Variants in PTPN12 observed in about 807,000 individuals in gnomAD.
PTPN12 encodes the protein protein tyrosine phosphatase non-receptor type 12.
In PTPN12, 29 loss-of-function variants were observed where a neutral mutation model predicts 97.6. The observed-to-expected ratio is 0.30, with a 90% CI of 0.22 to 0.41. The LOEUF (loss-of-function observed/expected upper bound fraction) is 0.41. PTPN12 is among the 10% of genes least tolerant of loss of function. The probability of loss-of-function intolerance (pLI) is 1.00; values close to 1 mark genes in which losing one functional copy is unlikely to be tolerated. For synonymous variants in PTPN12, 327 were observed against 300.4 expected, an observed-to-expected ratio of 1.09 and a Z score of -0.91; for missense variants, 819 against 926.0, an observed-to-expected ratio of 0.88 and a Z score of 1.50.
At chr7:77,540,882 T>G (rs1806937629) in intron 1 of PTPN12, among the ~76,000 whole-genome samples, 2 of 152,214 alleles carry the variant, frequency 1.3e-5, no homozygotes, top group Admixed American at 1.3e-4. Context: ...ATAATGTAGC[T>G]GATATAACTG....
chr7:77,592,207 C>G lies in PTPN12; in HGVS notation c.443C>G (p.Pro148Arg). 6.2e-7 allele frequency: 1 copy of G among 1,604,580 alleles called. No homozygotes were observed. ...MGRKKCERYW[P>R]LYGEDPITFA... The stretch of plus-strand genomic sequence containing the variant: ...CAGAAAAAATGTGAGCGCTATTGGC[C>G]TTTGTATGGAGAAGACCCCATAACG... The change falls in exon 6 of 18, where the codon CCT (proline) becomes CGT (arginine). Residue 148 changes from proline to arginine, a missense_variant. Physicochemically the swap from Pro to Arg is moderately radical, Grantham distance 103. Transcript: ENST00000248594.
intron 2 of PTPN12, among the ~76,000 whole-genome samples, chr7:77,579,051 T>G (rs1407562588): frequency 1.3e-5 from 2 of 152,274 alleles, no homozygotes; most frequent in Non-Finnish European, 1.5e-5. Flanking sequence ...CATAACTTCG[T>G]TCCAGTCATT....
chr7:77,625,510 TCTCTCTCTCTCTCACTCTCA>T (rs1312942064), intron 12 of PTPN12, among the ~76,000 whole-genome samples: 1 of 100,320 alleles, frequency 1.0e-5, no homozygotes, highest in Non-Finnish European at 2.0e-5. Flanking sequence ...TCTCTCTCTC[TCTCTCTCTCTCTCACTCTCA>T]CTCTCACTCG....
At chr7:77,612,663 C>T (rs1271869577) in intron 11 of PTPN12, among the ~76,000 whole-genome samples, 4 of 152,142 alleles carry the variant, frequency 2.6e-5, no homozygotes, top group Admixed American at 2.0e-4. Context: ...GTCTCGAACT[C>T]CCAACCTCAG....
intron 1 of PTPN12, among the ~76,000 whole-genome samples, chr7:77,538,444 G>C (rs1180513906): frequency 6.6e-6 from 1 of 151,880 alleles, no homozygotes; most frequent in Admixed American, 6.6e-5. Flanking sequence ...TATCCGGGGT[G>C]GGGGTGGGGA....
chr7:77,599,586 A>T (rs1363561009), intron 7 of PTPN12, among the ~76,000 whole-genome samples: 3 of 152,114 alleles, frequency 2.0e-5, no homozygotes, highest in Non-Finnish European at 4.4e-5. Flanking sequence ...GAGCCACTGA[A>T]TCTGGACTGG....
intron 6 of PTPN12, among the ~76,000 whole-genome samples, chr7:77,596,411 T>A (rs959147672): frequency 6.6e-6 from 1 of 152,200 alleles, no homozygotes; most frequent in South Asian, 2.1e-4. Context: ...TTTTTTTTAG[T>A]GTTTTTTGTT....
chr7:77,591,290 T>G (rs1787859909), intron 5 of PTPN12, among the ~76,000 whole-genome samples: 1 of 152,190 alleles, frequency 6.6e-6, no homozygotes, highest in South Asian at 2.1e-4. Flanking sequence ...TCCCACTGCT[T>G]AAAAGGTTTA....
Position 77,625,472 on chromosome 7 carries a change from G to GCTCGCGCTCTCTCTCTCTCTCTCTCT in PTPN12, c.1026-1230_1026-1229insGCGCTCTCTCTCTCTCTCTCTCTCTC. Among the ~76,000 whole-genome samples the GCTCGCGCTCTCTCTCTCTCTCTCTCT allele has an allele frequency of 2.6e-3, 87 of 33,518 alleles. 17 individuals are homozygous for GCTCGCGCTCTCTCTCTCTCTCTCTCT. Among genetic ancestry groups the GCTCGCGCTCTCTCTCTCTCTCTCTCT allele is most frequent in the East Asian group, 5.7e-3 (5 of 884 alleles). The allele number at this position is 33,518 out of a possible 152,430, so 22.0% of individuals were successfully genotyped here. On this transcript the variant is annotated intron_variant, in intron 12 of 17. Transcript: ENST00000248594. Reference sequence around the variant, plus strand: ...TTTTGCCATATTGCCCAGGCTGCTCGCTCTCTCTCTCTCTCTCTCTCTCTC... The same window carrying GCTCGCGCTCTCTCTCTCTCTCTCTCT: ...TTTTGCCATATTGCCCAGGCTGCTCGCTCGCGCTCTCTCTCTCTCTCTCTCTCTCTCTCTCTCTCTCTCTCTCTCTC...
chr7:77,575,723 C>T (rs1034745794), intron 2 of PTPN12, among the ~76,000 whole-genome samples: 27 of 152,160 alleles, frequency 1.8e-4, no homozygotes, highest in Admixed American at 1.3e-3. Context: ...ACATTTCCAT[C>T]ACCCCTAAAA....
intron 8 of PTPN12, among the ~76,000 whole-genome samples, chr7:77,605,409 GTTTTTTTTTTTTTTT>G (rs751962814): frequency 3.1e-5 from 3 of 95,560 alleles, no homozygotes; most frequent in African/African-American, 4.1e-5. Context: ...TTTGTCATGA[GTTTTTTTTTTTTTTT>G]TTTTTTTTTT....
At chr7:77,631,812 C>T (rs1427435797) in intron 13 of PTPN12, among the ~76,000 whole-genome samples, 3 of 152,096 alleles carry the variant, frequency 2.0e-5, no homozygotes, top group Non-Finnish European at 4.4e-5. Flanking sequence ...GGAAAAATAA[C>T]TAGTATTTCC....
chr7:77,619,860 G>C (rs1788873904), intron 12 of PTPN12, among the ~76,000 whole-genome samples: 1 of 152,104 alleles, frequency 6.6e-6, no homozygotes, highest in Non-Finnish European at 1.5e-5. Flanking sequence ...ATGAGGTTAG[G>C]TCTCAACATT....
intron 8 of PTPN12, among the ~76,000 whole-genome samples, chr7:77,603,723 A>G (rs1788259391): frequency 6.6e-6 from 1 of 152,126 alleles, no homozygotes; most frequent in Non-Finnish European, 1.5e-5. Flanking sequence ...TCCAGAAGTG[A>G]GATTTGTTGG....
chr7:77,538,986 C>T (rs1286370548), intron 1 of PTPN12: 2 of 152,106 alleles, frequency 1.3e-5, no homozygotes, highest in Admixed American at 6.5e-5. Context: ...TCACTTAATT[C>T]TGAAATCTGA....
At chr7:77,635,424 TAAAA>T (rs775219207) in intron 14 of PTPN12, among the ~76,000 whole-genome samples, 1 of 152,122 alleles carries the variant, frequency 6.6e-6, no homozygotes, top group Non-Finnish European at 1.5e-5. Flanking sequence ...CAACAACAAT[TAAAA>T]AGAATGTTGA....
intron 6 of PTPN12, among the ~76,000 whole-genome samples, chr7:77,595,465 A>G (rs1787995588): frequency 6.6e-6 from 1 of 152,206 alleles, no homozygotes; most frequent in Non-Finnish European, 1.5e-5. Context: ...CAGGAGCTCA[A>G]TCACATGTTG....
intron 16 of PTPN12, among the ~76,000 whole-genome samples, chr7:77,638,293 T>TG (rs1789678457): frequency 6.6e-6 from 1 of 152,084 alleles, no homozygotes; most frequent in East Asian, 1.9e-4. Flanking sequence ...ACATTTCAGT[T>TG]GCAACTATTC....
intron 2 of PTPN12, among the ~76,000 whole-genome samples, chr7:77,579,781 G>A (rs146763642): frequency 9.9e-4 from 151 of 152,192 alleles, no homozygotes; most frequent in Non-Finnish European, 1.8e-3. Flanking sequence ...TGGAAAAATG[G>A]GCAAAGGATA....
Sources: gnomAD v4.1 joint callset for allele counts (sites outside exome capture counted in the v4.1 genomes callset) on GRCh38, gnomAD v4.1.1 for gene constraint, MANE v1.5 for transcripts, NCBI Gene and HGNC (gene_info 2026-07-23, HGNC 2026-07-21) for gene names.